SLC24A2: variants seen among roughly 807,000 people sequenced by gnomAD.
SLC24A2 encodes the protein sodium/potassium/calcium exchanger 2.
A neutral mutation model predicts 62.0 loss-of-function variants in SLC24A2; 36 were observed. The ratio of observed to expected loss-of-function variants is 0.58; its 90% CI spans 0.44 to 0.77. The LOEUF is 0.77. Ranked by LOEUF, SLC24A2 falls within the 30% of genes least tolerant of loss-of-function variation. The pLI is 0.00. For missense variants in SLC24A2, 846 were observed against 817.9 expected (o/e 1.03, Z -0.42); for synonymous variants, 358 against 294.0 (o/e 1.22, Z -2.23).
chr9:20,077,882 T>TA, the SLC24A2 span, among the ~76,000 whole-genome samples: 8 of 152,140 alleles, frequency 5.3e-5, no homozygotes, highest in African/African-American at 1.4e-4. Flanking sequence ...ATTTTATCTG[T>TA]AAAACATCCC....
chr9:19,768,511 C>A (rs1336955498), intron 2 of SLC24A2, among the ~76,000 whole-genome samples: 2 of 152,050 alleles, frequency 1.3e-5, no homozygotes, highest in African/African-American at 4.8e-5. Flanking sequence ...TGGTACTGAA[C>A]CCTCTCTATA....
the SLC24A2 span, among the ~76,000 whole-genome samples, chr9:20,017,472 T>C: frequency 1.3e-5 from 2 of 152,164 alleles, no homozygotes; most frequent in Non-Finnish European, 2.9e-5. Context: ...TGTGTATTAG[T>C]CAGGGTTCTC....
chr9:20,097,289 C>G, the SLC24A2 span, among the ~76,000 whole-genome samples: 1 of 152,178 alleles, frequency 6.6e-6, no homozygotes, highest in Non-Finnish European at 1.5e-5. Context: ...TTCATCATAT[C>G]TTGAGGTGAA....
the SLC24A2 span, among the ~76,000 whole-genome samples, chr9:20,085,812 A>T: frequency 0.018 from 2,814 of 152,326 alleles, 82 homozygotes; most frequent in African/African-American, 0.065. Context: ...GACATCAAAC[A>T]ATGCTCATTA....
the SLC24A2 span, among the ~76,000 whole-genome samples, chr9:19,897,794 G>C: frequency 6.6e-6 from 1 of 152,110 alleles, no homozygotes. Flanking sequence ...ACAGCTACAA[G>C]GGACAAAAGG....
At chr9:20,231,540 G>C in the SLC24A2 span, among the ~76,000 whole-genome samples, 1 of 152,118 alleles carries the variant, frequency 6.6e-6, no homozygotes, top group Non-Finnish European at 1.5e-5. Context: ...CTGTTTGTCT[G>C]TTACTGGTAT....
intron 5 of SLC24A2, among the ~76,000 whole-genome samples, chr9:19,594,525 C>T (rs1836649976): frequency 1.3e-5 from 2 of 152,136 alleles, no homozygotes; most frequent in African/African-American, 4.8e-5. Context: ...ACCCAGGCTT[C>T]ATTGCAAGTC....
intron 2 of SLC24A2, among the ~76,000 whole-genome samples, chr9:19,779,599 A>C (rs1179182994): frequency 6.6e-6 from 1 of 152,214 alleles, no homozygotes; most frequent in East Asian, 1.9e-4. Flanking sequence ...GTACATCAGG[A>C]ATAGAGGGAA....
the SLC24A2 span, among the ~76,000 whole-genome samples, chr9:19,978,880 A>T: frequency 6.6e-6 from 1 of 152,218 alleles, no homozygotes; most frequent in African/African-American, 2.4e-5. Context: ...TGAACAAAAA[A>T]GGCACATTTC....
At chr9:19,803,826 A>G in the SLC24A2 span, among the ~76,000 whole-genome samples, 3 of 152,210 alleles carry the variant, frequency 2.0e-5, no homozygotes, top group African/African-American at 4.8e-5. Context: ...AAATTATTTG[A>G]GAAACTAAAA....
chr9:19,965,593 A>T, the SLC24A2 span, among the ~76,000 whole-genome samples: 1 of 152,176 alleles, frequency 6.6e-6, no homozygotes, highest in African/African-American at 2.4e-5. Flanking sequence ...CGGTGACTCA[A>T]TTCAGTGAAA....
At chr9:19,832,226 C>T in the SLC24A2 span, among the ~76,000 whole-genome samples, 2 of 152,186 alleles carry the variant, frequency 1.3e-5, no homozygotes, top group Non-Finnish European at 2.9e-5. Context: ...AACCCAAACA[C>T]CAGTACCATT....
At chr9:19,962,766 T>G in the SLC24A2 span, among the ~76,000 whole-genome samples, 3 of 152,162 alleles carry the variant, frequency 2.0e-5, no homozygotes, top group Admixed American at 6.6e-5. Context: ...GGGCTGAGAC[T>G]ATGGGGTTTT....
the SLC24A2 span, among the ~76,000 whole-genome samples, chr9:19,850,942 T>C: frequency 2.8e-3 from 80 of 29,086 alleles, 1 homozygote; most frequent in African/African-American, 9.7e-3. Flanking sequence ...CATATATATA[T>C]ATACATATAT....
At chr9:19,749,183 C>A (rs1380630373) in intron 2 of SLC24A2, among the ~76,000 whole-genome samples, 1 of 151,288 alleles carries the variant, frequency 6.6e-6, no homozygotes, top group Non-Finnish European at 1.5e-5. Flanking sequence ...AAAAGATACA[C>A]AATCCATATC....
chr9:19,728,434 G>A (rs555071427), intron 2 of SLC24A2, among the ~76,000 whole-genome samples: 41 of 152,126 alleles, frequency 2.7e-4, no homozygotes, highest in African/African-American at 7.7e-4. Context: ...TTAATATACC[G>A]AGTATTAGCA....
chr9:20,273,276 TC>T, the SLC24A2 span, among the ~76,000 whole-genome samples: 1 of 152,172 alleles, frequency 6.6e-6, no homozygotes, highest in Non-Finnish European at 1.5e-5. Context: ...CTGACCTGCT[TC>T]CCCTGAAAGT....
intron 9 of SLC24A2, among the ~76,000 whole-genome samples, chr9:19,525,056 T>C (rs1477020949): frequency 6.6e-6 from 1 of 152,218 alleles, no homozygotes; most frequent in East Asian, 1.9e-4. Context: ...GCCCACCTTC[T>C]GCTGTGATTT....
the SLC24A2 span, among the ~76,000 whole-genome samples, chr9:19,884,562 T>C: frequency 2.0e-5 from 3 of 152,350 alleles, no homozygotes; most frequent in African/African-American, 7.2e-5. Context: ...CTTATGCTTA[T>C]GTATATATGT....
Sources: gnomAD v4.1 joint callset for allele counts (sites outside exome capture counted in the v4.1 genomes callset) on GRCh38, gnomAD v4.1.1 for gene constraint, MANE v1.5 for transcripts, NCBI Gene and HGNC (gene_info 2026-07-23, HGNC 2026-07-21) for gene names.